Variants in LMO7 observed in about 807,000 individuals in gnomAD.
LMO7 encodes LIM domain only protein 7.
In LMO7, 120 loss-of-function variants were observed where a neutral mutation model predicts 206.5. The ratio of observed to expected loss-of-function variants is 0.58; its 90% CI spans 0.50 to 0.68. The LOEUF is 0.68. Among genes scored for constraint, LMO7 ranks in the 30% least tolerant of loss-of-function variants. The pLI is 0.00. For synonymous variants in LMO7, 706 were observed against 681.5 expected (o/e 1.04, Z -0.56); for missense variants, 1,959 against 1,957.9 (o/e 1.00, Z -0.01).
chr13:75,726,412 A>G (rs577690409), intron 2 of LMO7, among the ~76,000 whole-genome samples: 1 of 152,002 alleles, frequency 6.6e-6, no homozygotes, highest in Non-Finnish European at 1.5e-5. Flanking sequence ...TTAATCTAAA[A>G]TACTAGATTC....
chr13:75,626,005 T>C (rs931316038), intron 2 of LMO7, among the ~76,000 whole-genome samples: 2 of 152,316 alleles, frequency 1.3e-5, no homozygotes, highest in East Asian at 1.9e-4. Flanking sequence ...GTAAGGTTTC[T>C]TCACATTGTG....
chr13:75,828,866 G>A (rs1284392924), intron 15 of LMO7, among the ~76,000 whole-genome samples: 1 of 152,148 alleles, frequency 6.6e-6, no homozygotes, highest in African/African-American at 2.4e-5. Flanking sequence ...TAAAATGCAA[G>A]TGTGTAGGGT....
chr13:75,813,545 C>G (rs1490010969), intron 11 of LMO7, among the ~76,000 whole-genome samples: 6 of 152,158 alleles, frequency 3.9e-5, no homozygotes, highest in Non-Finnish European at 8.8e-5. Flanking sequence ...ACAGTGTGTG[C>G]AGGCTTGATG....
chr13:75,721,492 A>G (rs1256474602), intron 2 of LMO7, among the ~76,000 whole-genome samples: 2 of 152,206 alleles, frequency 1.3e-5, no homozygotes, highest in African/African-American at 4.8e-5. Context: ...AAAATGCTTA[A>G]TGAGCAGAAT....
chr13:75,633,884 T>C (rs2035364192), upstream of LMO7, among the ~76,000 whole-genome samples: 2 of 135,532 alleles, frequency 1.5e-5, no homozygotes, highest in Non-Finnish European at 3.1e-5. Context: ...AGTCTCGCTC[T>C]GTCCCCAGGC....
intron 1 of LMO7, among the ~76,000 whole-genome samples, chr13:75,710,292 G>A (rs2042989852): frequency 6.6e-6 from 1 of 152,026 alleles, no homozygotes; most frequent in African/African-American, 2.4e-5. Context: ...GCCCTTTTTT[G>A]GTTCCATATG....
chr13:75,844,103 A>C (rs1304901976), intron 25 of LMO7, among the ~76,000 whole-genome samples: 2 of 152,170 alleles, frequency 1.3e-5, no homozygotes, highest in Non-Finnish European at 2.9e-5. Context: ...AAATAATTAA[A>C]ATGCAGAGAA....
At chr13:75,736,257 T>G (rs2045812411) in intron 3 of LMO7, among the ~76,000 whole-genome samples, 1 of 152,256 alleles carries the variant, frequency 6.6e-6, no homozygotes, top group Admixed American at 6.5e-5. Flanking sequence ...CATTTTCAAT[T>G]GGCTATAGGA....
intron 3 of LMO7, among the ~76,000 whole-genome samples, chr13:75,751,727 TG>T (rs1295281557): frequency 6.6e-6 from 1 of 152,182 alleles, no homozygotes; most frequent in Non-Finnish European, 1.5e-5. Flanking sequence ...ATTTTTACAC[TG>T]TTTATAAAAG....
chr13:75,785,150 A>T (rs1323575), intron 4 of LMO7, among the ~76,000 whole-genome samples: 1,743 of 152,282 alleles, frequency 0.011, 37 homozygotes, highest in African/African-American at 0.037. Context: ...GTTTGAATCA[A>T]TACTTTGAGA....
intron 1 of LMO7, among the ~76,000 whole-genome samples, chr13:75,699,909 T>G (rs896928148): frequency 2.0e-5 from 3 of 152,326 alleles, no homozygotes; most frequent in South Asian, 2.1e-4. Flanking sequence ...ATCCCTTATC[T>G]TCAACTGCAT....
chr13:75,643,395 T>G (rs1161592598), intron 1 of LMO7, among the ~76,000 whole-genome samples: 1 of 152,240 alleles, frequency 6.6e-6, no homozygotes, highest in Non-Finnish European at 1.5e-5. Context: ...CTCGTTCTTC[T>G]AGTTAGCATC....
chr13:75,670,550 T>C lies in LMO7; in HGVS notation c.69+33824T>C, dbSNP rs189431932. 2.6e-5 allele frequency among the ~76,000 whole-genome samples: 4 copies of C among 152,286 alleles called. No individual in the cohort carries two copies. In the East Asian group the frequency reaches 7.7e-4, roughly 29 times the overall value. On this transcript the variant is annotated intron_variant, in intron 1 of 30. Transcript: ENST00000377534. The stretch of plus-strand genomic sequence containing the variant: ...AATACTGTAGATAATTGTAACACAA[T>C]GGTATTTGTGTATTTAAACATATCT...
In LMO7 at chr13:75,728,622, T is replaced by A. The variant is rs546366832; in HGVS notation, c.210+1524T>A. On this transcript the variant is annotated intron_variant, in intron 3 of 30. Transcript: ENST00000377534. ...TTTCTTTTGCTGTGCAGAAGCTCTT[T>A]AGTTTAATTAGATCCCATTTGTCAA... Among the ~76,000 whole-genome samples the A allele has an allele frequency of 7.1e-5, 10 of 141,440 alleles. No homozygotes were observed. In the East Asian group the frequency reaches 2.1e-3, roughly 29 times the overall value. 92.8% of individuals were successfully genotyped at this position (141,440 alleles called of 152,430 possible). A position where few individuals can be genotyped will look rare whatever the true frequency, so the allele number is the denominator to read the frequency against.
chr13:75,741,551 T>G (rs1051606260), intron 3 of LMO7, among the ~76,000 whole-genome samples: 1 of 152,204 alleles, frequency 6.6e-6, no homozygotes, highest in African/African-American at 2.4e-5. Context: ...GCAGGCTTTA[T>G]TGCTAGGATG....
Position 75,636,618 on chromosome 13 carries a change from C to T in LMO7, c.-40C>T, listed in dbSNP as rs1184744894. The T allele has an allele frequency of 3.2e-6, 5 of 1,551,050 alleles. No homozygotes were observed. The highest frequency in any genetic ancestry group is 4.4e-6 in the Non-Finnish European group (5 of 1,148,574). On this transcript the variant is annotated 5_prime_UTR_variant, in exon 1 of 31. Coordinates refer to ENST00000377534, the MANE Select transcript of LMO7 (RefSeq NM_001306080.2). ...ACGCGCGGGGACAACCCCTCCCCTC[C>T]ACGCATCCCGAGTCTCTCTCTCCCT... is the stretch of plus-strand genomic sequence containing the variant.
At chr13:75,803,017 C>T (rs995786284) in intron 7 of LMO7, among the ~76,000 whole-genome samples, 1 of 152,124 alleles carries the variant, frequency 6.6e-6, no homozygotes, top group African/African-American at 2.4e-5. Flanking sequence ...CTCTTTATGA[C>T]TTTAAAATTC....
chr13:75,628,815 C>A (rs1201736776), intron 2 of LMO7, among the ~76,000 whole-genome samples: 1 of 152,232 alleles, frequency 6.6e-6, no homozygotes, highest in Non-Finnish European at 1.5e-5. Flanking sequence ...CCCATCCCTT[C>A]TTCCTTTACA....
chr13:75,834,375 TATGGAA>T lies in LMO7; in HGVS notation c.3216_3221del (p.Tyr1072_Lys1074delinsTer). The stretch of plus-strand genomic sequence containing the variant: ...ACACCTAGTGATGGATGTGAGGCGC[TATGGAA>T]AGGCTGGTGAGTTTGTGTTACCACC... On this transcript the variant is annotated stop_gained and inframe_deletion, in exon 17 of 31. Transcript: ENST00000377534. LOFTEE classifies it high-confidence loss of function. 6.3e-7 allele frequency: 1 copy of T among 1,596,790 alleles called. No individual in the cohort carries two copies. Among genetic ancestry groups the T allele is most frequent in the Non-Finnish European group, 8.5e-7 (1 of 1,172,138 alleles).
Sources: allele counts gnomAD v4.1 joint callset (sites outside exome capture counted in the v4.1 genomes callset), GRCh38; gene constraint gnomAD v4.1.1; transcripts MANE v1.5; gene names NCBI Gene and HGNC (gene_info 2026-07-23, HGNC 2026-07-21).